The following UNC13C variants were observed in gnomAD, a reference collection of about 807,000 sequenced individuals.
The protein encoded by UNC13C is unc-13 homolog C, also known as protein unc-13 homolog C.
Under a neutral mutation model 245.4 loss-of-function variants are expected in UNC13C, and 174 were observed. The observed-to-expected ratio is 0.71, with a 90% CI of 0.63 to 0.80. The LOEUF (loss-of-function observed/expected upper bound fraction) is 0.80. Ranked by LOEUF, UNC13C falls within the 30% of genes least tolerant of loss-of-function variation. The pLI is 0.00. For missense variants in UNC13C, 2,829 were observed against 2,602.9 expected (o/e 1.09, Z -1.89); for synonymous variants, 992 against 895.1 (o/e 1.11, Z -1.93).
intron 4 of UNC13C, among the ~76,000 whole-genome samples, chr15:54,182,583 T>A (rs1003353554): frequency 2.0e-5 from 3 of 152,088 alleles, no homozygotes; most frequent in Non-Finnish European, 2.9e-5. Context: ...TCAGTTGAAT[T>A]GGTACCAGCT....
chr15:54,319,725 T>C (rs1461807285), intron 13 of UNC13C, among the ~76,000 whole-genome samples: 1 of 117,766 alleles, frequency 8.5e-6, no homozygotes, highest in Non-Finnish European at 1.8e-5. Context: ...AATTCAGAAA[T>C]GTCTAGATGC....
chr15:54,327,299 C>A (rs2038322776), intron 14 of UNC13C, among the ~76,000 whole-genome samples: 2 of 151,610 alleles, frequency 1.3e-5, no homozygotes, highest in Admixed American at 6.6e-5. Context: ...ATTGACTGAC[C>A]AACCTCTATA....
chr15:54,584,569 G>C (rs1385283577), intron 30 of UNC13C, among the ~76,000 whole-genome samples: 1 of 152,214 alleles, frequency 6.6e-6, no homozygotes, highest in Non-Finnish European at 1.5e-5. Flanking sequence ...ATTCAAAAGA[G>C]TAAAAGAATA....
intron 32 of UNC13C, 129 bp from the exon 33 acceptor site, chr15:54,626,699 A>G (rs1467841409): frequency 1.1e-5 from 9 of 843,544 alleles, no homozygotes; most frequent in Non-Finnish European, 1.6e-5. Flanking sequence ...GTTAAAATAC[A>G]CTGATATCCT....
chr15:53,869,963 T>C, the UNC13C span, among the ~76,000 whole-genome samples: 1 of 152,226 alleles, frequency 6.6e-6, no homozygotes, highest in African/African-American at 2.4e-5. Flanking sequence ...AAGGTAAGGA[T>C]TAGACTGCTT....
chr15:54,086,737 C>CTTTTTTGTTTTTT (rs1899261381), intron 2 of UNC13C, among the ~76,000 whole-genome samples: 2 of 92,012 alleles, frequency 2.2e-5, no homozygotes, highest in African/African-American at 3.7e-5. Flanking sequence ...TATTTTCTTT[C>CTTTTTTGTTTTTT]TTTTTTTTTT....
intron 2 of UNC13C, among the ~76,000 whole-genome samples, chr15:54,094,163 G>A (rs996094430): frequency 1.3e-5 from 2 of 152,132 alleles, no homozygotes; most frequent in Admixed American, 6.6e-5. Flanking sequence ...TAAGGACTCC[G>A]AAGGCCTTAC....
the UNC13C span, among the ~76,000 whole-genome samples, chr15:53,902,120 T>C: frequency 3.3e-5 from 5 of 152,074 alleles, no homozygotes; most frequent in East Asian, 1.9e-4. Context: ...TATCCTACTC[T>C]TTTGGTTCTT....
intron 17 of UNC13C, among the ~76,000 whole-genome samples, chr15:54,368,851 G>A (rs1446595888): frequency 6.6e-6 from 1 of 152,122 alleles, no homozygotes; most frequent in African/African-American, 2.4e-5. Context: ...ATGGAACAGA[G>A]TAGGCACTCA....
rs1896500652 is a variant in UNC13C, at chr15:54,546,751, A to G, written c.5726A>G (p.Lys1909Arg). ...TLSLSAKICE[K>R]TVLKRVLKEL... ...AGTCTCTCAGCAAAAATCTGTGAGA[A>G]AACAGTCCTAAAGCGAGTTTTAAAA... is the stretch of plus-strand genomic sequence containing the variant. The change falls in exon 27 of 33, where the codon AAA becomes AGA. Residue 1909 changes from lysine to arginine, a missense_variant. By Grantham distance (26) the Lys-to-Arg change is conservative (BLOSUM62 2). Coordinates refer to ENST00000260323, the MANE Select transcript of UNC13C (RefSeq NM_001080534.3). The G allele has an allele frequency of 6.6e-7, 1 of 1,525,484 alleles. No homozygotes were observed. 94.5% of individuals were successfully genotyped at this position (1,525,484 alleles called of 1,614,324 possible).
chr15:54,626,423 T>C (rs2141321319), intron 32 of UNC13C, among the ~76,000 whole-genome samples: 1 of 96,922 alleles, frequency 1.0e-5, no homozygotes, highest in Non-Finnish European at 2.7e-5. Flanking sequence ...GGAGGTAAAG[T>C]GCGAGGAGTA....
intron 28 of UNC13C, among the ~76,000 whole-genome samples, chr15:54,550,386 G>A (rs28611313): frequency 0.24 from 36,877 of 151,914 alleles, 9,082 homozygotes; most frequent in African/African-American, 0.63. Context: ...TGTTGTGAGT[G>A]TAAATGAGAC....
intron 4 of UNC13C, among the ~76,000 whole-genome samples, chr15:54,190,312 T>C (rs1484176034): frequency 6.6e-6 from 1 of 152,166 alleles, no homozygotes; most frequent in African/African-American, 2.4e-5. Context: ...GTAATTCCTT[T>C]GGACAATAAA....
the UNC13C span, among the ~76,000 whole-genome samples, chr15:53,903,566 C>T: frequency 6.6e-6 from 1 of 152,168 alleles, no homozygotes; most frequent in Non-Finnish European, 1.5e-5. Context: ...TTTTCACTAC[C>T]ATTGCCCTCA....
chr15:54,143,945 T>A (rs1306886897), intron 4 of UNC13C, among the ~76,000 whole-genome samples: 1 of 152,184 alleles, frequency 6.6e-6, no homozygotes, highest in Non-Finnish European at 1.5e-5. Context: ...GTTAACATTA[T>A]CATTACATAC....
intron 7 of UNC13C, among the ~76,000 whole-genome samples, chr15:54,240,743 T>C (rs2035829585): frequency 6.6e-6 from 1 of 152,168 alleles, no homozygotes; most frequent in South Asian, 2.1e-4. Flanking sequence ...AAAATTTCCA[T>C]CTAGCTTAGT....
intron 21 of UNC13C, 92 bp from the exon 22 acceptor site, chr15:54,500,743 G>A (rs1190899840): frequency 6.0e-6 from 6 of 1,000,330 alleles, no homozygotes; most frequent in African/African-American, 4.9e-5. Context: ...TATGTGATAC[G>A]GGAGATTCAG....
chr15:53,956,908 A>G, the UNC13C span, among the ~76,000 whole-genome samples: 11 of 24,664 alleles, frequency 4.5e-4, no homozygotes, highest in Non-Finnish European at 1.8e-3. Flanking sequence ...GTGTGTGTGC[A>G]TGCACACATC....
chr15:54,378,112 T>C (rs2039646264), intron 17 of UNC13C, among the ~76,000 whole-genome samples: 1 of 152,108 alleles, frequency 6.6e-6, no homozygotes, highest in South Asian at 2.1e-4. Context: ...TACTAGAACA[T>C]TTTTATTATG....
Sources: gnomAD v4.1 joint callset for allele counts (sites outside exome capture counted in the v4.1 genomes callset) on GRCh38, gnomAD v4.1.1 for gene constraint, MANE v1.5 for transcripts, NCBI Gene and HGNC (gene_info 2026-07-23, HGNC 2026-07-21) for gene names.